The following MICU3 variants were observed in gnomAD, a reference collection of about 807,000 sequenced individuals.
MICU3 encodes the protein calcium uptake protein 3, mitochondrial.
MICU3 carries 62 observed loss-of-function variants against 66.5 expected under a neutral mutation model. The observed-to-expected ratio is 0.93, with a 90% CI of 0.76 to 1.15. The LOEUF (loss-of-function observed/expected upper bound fraction) is 1.15, where lower values mean the gene tolerates loss of function less well. Among genes scored for constraint, MICU3 ranks in the 50% most tolerant of loss-of-function variants. The pLI is 0.00. For missense variants in MICU3, 779 were observed against 664.4 expected, an observed-to-expected ratio of 1.17 and a Z score of -1.90; for synonymous variants, 308 against 240.7, an observed-to-expected ratio of 1.28 and a Z score of -2.59.
chr8:17,058,978 G>C (rs1395331738), intron 1 of MICU3, among the ~76,000 whole-genome samples: 2 of 152,160 alleles, frequency 1.3e-5, no homozygotes, highest in Non-Finnish European at 2.9e-5. Context: ...TTTAGTTAAT[G>C]TTGGTAATCT....
chr8:17,134,081 T>C, the MICU3 span: 59 of 152,360 alleles, frequency 3.9e-4, 1 homozygote, highest in Admixed American at 3.0e-3. Flanking sequence ...GAGATTTTTA[T>C]TTACTCACTT....
At chr8:17,119,359 G>A (rs143926259) in intron 14 of MICU3, among the ~76,000 whole-genome samples, 8 of 151,974 alleles carry the variant, frequency 5.3e-5, no homozygotes, top group African/African-American at 1.7e-4. Context: ...ATCTCCAAGC[G>A]AGGAGTTTGT....
At chr8:17,062,207 T>C (rs1251158867) in intron 1 of MICU3, among the ~76,000 whole-genome samples, 1 of 152,216 alleles carries the variant, frequency 6.6e-6, no homozygotes, top group Non-Finnish European at 1.5e-5. Flanking sequence ...CATGTTCATA[T>C]CTTTTCTTGA....
At chr8:17,032,757 C>G (rs115752820) in intron 1 of MICU3, among the ~76,000 whole-genome samples, 1 of 152,172 alleles carries the variant, frequency 6.6e-6, no homozygotes, top group East Asian at 1.9e-4. Context: ...GCATTTTTTA[C>G]AAGTTCAAGA....
At chr8:17,033,820 A>G (rs1262739075) in intron 1 of MICU3, among the ~76,000 whole-genome samples, 4 of 152,222 alleles carry the variant, frequency 2.6e-5, no homozygotes, top group Admixed American at 2.0e-4. Context: ...GGTTCATGAG[A>G]TTTAAGGAAA....
At chr8:17,050,551 T>C (rs1815897814) in intron 1 of MICU3, among the ~76,000 whole-genome samples, 1 of 152,164 alleles carries the variant, frequency 6.6e-6, no homozygotes, top group Non-Finnish European at 1.5e-5. Flanking sequence ...AGATCCTTTT[T>C]CTTATTTGGC....
chr8:17,054,158 C>T (rs147114259), intron 1 of MICU3, among the ~76,000 whole-genome samples: 132 of 152,280 alleles, frequency 8.7e-4, no homozygotes, highest in African/African-American at 2.9e-3. Context: ...CTATATTTTC[C>T]TATTCGGTGA....
intron 4 of MICU3, among the ~76,000 whole-genome samples, chr8:17,079,675 G>C (rs1262966189): frequency 6.6e-6 from 1 of 151,650 alleles, no homozygotes; most frequent in East Asian, 1.9e-4. Flanking sequence ...TTGAGTTTTT[G>C]TAGAGACAAA....
intron 9 of MICU3, among the ~76,000 whole-genome samples, chr8:17,103,966 A>C (rs1373287259): frequency 6.6e-6 from 1 of 151,902 alleles, no homozygotes; most frequent in African/African-American, 2.4e-5. Context: ...AGTATATCTG[A>C]AGAGGTTACC....
chr8:17,034,578 G>C (rs1812659489), intron 1 of MICU3, among the ~76,000 whole-genome samples: 2 of 152,194 alleles, frequency 1.3e-5, no homozygotes. Flanking sequence ...CACTGGTAGA[G>C]GTAAAAGTAT....
chr8:17,061,731 T>C (rs1274710316), intron 1 of MICU3, among the ~76,000 whole-genome samples: 2 of 152,086 alleles, frequency 1.3e-5, no homozygotes, highest in Admixed American at 6.5e-5. Context: ...AAGTAAACTC[T>C]AGTCACAGAT....
intron 1 of MICU3, among the ~76,000 whole-genome samples, chr8:17,031,190 C>G (rs1251755028): frequency 1.3e-5 from 2 of 151,614 alleles, no homozygotes; most frequent in African/African-American, 2.4e-5. Flanking sequence ...TCCATTCCAG[C>G]CTAGGGGACA....
intron 1 of MICU3, among the ~76,000 whole-genome samples, chr8:17,054,327 G>A (rs1816563474): frequency 6.6e-6 from 1 of 151,968 alleles, no homozygotes; most frequent in South Asian, 2.1e-4. Context: ...TTTTCAGAAT[G>A]GATTTTACTA....
At chr8:17,138,583 CG>C in the MICU3 span, among the ~76,000 whole-genome samples, 1 of 152,106 alleles carries the variant, frequency 6.6e-6, no homozygotes, top group African/African-American at 2.4e-5. Context: ...CGGTAATATA[CG>C]CACCATCGTC....
chr8:17,099,488 C>G (rs548879124), intron 9 of MICU3, among the ~76,000 whole-genome samples: 1 of 151,868 alleles, frequency 6.6e-6, no homozygotes, highest in South Asian at 2.1e-4. Context: ...CTAGGGCAAA[C>G]ACTTGAAAAT....
intron 11 of MICU3, among the ~76,000 whole-genome samples, chr8:17,110,565 A>C (rs1482600074): frequency 6.6e-6 from 1 of 151,968 alleles, no homozygotes; most frequent in Non-Finnish European, 1.5e-5. Context: ...TTATTCACTT[A>C]AATTTATTTC....
chr8:17,067,068 C>G (rs932223410), intron 2 of MICU3, among the ~76,000 whole-genome samples: 2 of 152,132 alleles, frequency 1.3e-5, no homozygotes, highest in African/African-American at 4.8e-5. Flanking sequence ...CAGTTAATTT[C>G]TAACCAGCAC....
intron 11 of MICU3, among the ~76,000 whole-genome samples, chr8:17,110,940 C>A (rs1360865374): frequency 1.3e-5 from 2 of 152,088 alleles, no homozygotes; most frequent in African/African-American, 4.8e-5. Context: ...TTTGCTATGG[C>A]TGAATAATAA....
At chr8:17,074,120 T>C (rs1306312148) in intron 3 of MICU3, among the ~76,000 whole-genome samples, 1 of 151,664 alleles carries the variant, frequency 6.6e-6, no homozygotes, top group Non-Finnish European at 1.5e-5. Context: ...TCTCCTGACC[T>C]CGTGATCCGC....
Sources: gnomAD v4.1 joint callset for allele counts (sites outside exome capture counted in the v4.1 genomes callset) on GRCh38, gnomAD v4.1.1 for gene constraint, MANE v1.5 for transcripts, NCBI Gene and HGNC (gene_info 2026-07-23, HGNC 2026-07-21) for gene names.